The following KCNH7 variants were observed in gnomAD, a reference collection of about 807,000 sequenced individuals.
KCNH7 encodes the protein potassium voltage-gated channel subfamily H member 7.
In KCNH7, 49 loss-of-function variants were observed where a neutral mutation model predicts 120.8. That is an observed-to-expected ratio of 0.41 (90% CI 0.32 to 0.51). The LOEUF is 0.51. KCNH7 is among the 20% of genes least tolerant of loss of function. KCNH7 has a pLI of 0.38. For synonymous variants in KCNH7, 547 were observed against 516.1 expected, an observed-to-expected ratio of 1.06 and a Z score of -0.81; for missense variants, 1,097 against 1,446.6, an observed-to-expected ratio of 0.76 and a Z score of 3.92.
chr2:162,420,994 T>C (rs1198089873), intron 9 of KCNH7, among the ~76,000 whole-genome samples: 1 of 152,154 alleles, frequency 6.6e-6, no homozygotes, highest in Non-Finnish European at 1.5e-5. Context: ...TTTTCTCTAA[T>C]CAACTTTGTT....
chr2:162,416,899 C>T (rs1042130743), intron 9 of KCNH7, among the ~76,000 whole-genome samples: 11 of 152,058 alleles, frequency 7.2e-5, no homozygotes, highest in Non-Finnish European at 1.3e-4. Context: ...TGGCATGAAA[C>T]GTAATGATTA....
At chr2:162,758,324 G>A (rs1408944620) in intron 2 of KCNH7, among the ~76,000 whole-genome samples, 1 of 152,134 alleles carries the variant, frequency 6.6e-6, no homozygotes, top group Non-Finnish European at 1.5e-5. Context: ...GTTATTGGAG[G>A]TTATATTCTT....
intron 3 of KCNH7, among the ~76,000 whole-genome samples, chr2:162,534,451 A>T (rs1180277401): frequency 6.6e-6 from 1 of 151,544 alleles, no homozygotes; most frequent in Non-Finnish European, 1.5e-5. Flanking sequence ...TTTTTTAAAA[A>T]ATCATAAAAT....
chr2:162,468,790 G>A lies in KCNH7; in HGVS notation c.1129-22347C>T, dbSNP rs185532052. Reference sequence around the variant, plus strand: ...TCTCGATCTACTGACCTCATGATCCGCCCGCCTAGGCCTCCCAAAGTGCTG... The same window carrying A: ...TCTCGATCTACTGACCTCATGATCCACCCGCCTAGGCCTCCCAAAGTGCTG... On this transcript the variant is annotated intron_variant, in intron 6 of 15. Coordinates refer to ENST00000332142, the MANE Select transcript of KCNH7 (RefSeq NM_033272.4). Among the ~76,000 whole-genome samples, 470 of 151,134 alleles carry A rather than the reference G, an allele frequency of 3.1e-3. 3 individuals carry two copies. Among genetic ancestry groups the A allele is most frequent in the African/African-American group, 0.011 (456 of 41,180 alleles).
In KCNH7 at chr2:162,788,697, G is replaced by T. The variant is rs367968052; in HGVS notation, c.307+47840C>A. 2.0e-4 allele frequency among the ~76,000 whole-genome samples: 31 copies of T among 151,984 alleles called. 1 individual carries two copies. In the South Asian group the frequency reaches 6.4e-3, roughly 32 times the overall value. ...GAAACAAACTAAAAAAAAGAAATAG[G>T]CAGAGGGATTCTTAAAAGAAATAAT... On this transcript the variant is annotated intron_variant, in intron 2 of 15. Coordinates refer to ENST00000332142, the MANE Select transcript of KCNH7 (RefSeq NM_033272.4).
intron 2 of KCNH7, among the ~76,000 whole-genome samples, chr2:162,704,408 A>G (rs951662772): frequency 2.0e-5 from 3 of 152,220 alleles, no homozygotes; most frequent in Admixed American, 6.5e-5. Context: ...CATTATGAAC[A>G]TTATTTTTTC....
At chr2:162,686,978 G>T (rs1685915091) in intron 2 of KCNH7, among the ~76,000 whole-genome samples, 1 of 152,054 alleles carries the variant, frequency 6.6e-6, no homozygotes, top group East Asian at 1.9e-4. Flanking sequence ...GAGGAGTTGT[G>T]GCTGCTAACA....
chr2:162,668,391 C>T (rs1336504704), intron 2 of KCNH7, among the ~76,000 whole-genome samples: 1 of 152,118 alleles, frequency 6.6e-6, no homozygotes, highest in Non-Finnish European at 1.5e-5. Flanking sequence ...AACAGAAGTA[C>T]ACAGTGAATA....
At chr2:162,578,277 A>T (rs1693754073) in intron 2 of KCNH7, among the ~76,000 whole-genome samples, 3 of 152,074 alleles carry the variant, frequency 2.0e-5, no homozygotes, top group African/African-American at 7.2e-5. Context: ...TATCTATTGA[A>T]CCAGGCATTT....
rs548308339 is a variant in KCNH7 at position 162,822,953 on chromosome 2, C to T, written c.307+13584G>A. 5.3e-5 allele frequency among the ~76,000 whole-genome samples: 8 copies of T among 152,300 alleles called. No homozygotes were observed. The South Asian group carries it at 1.7e-3, about 32-fold the overall frequency. On this transcript the variant is annotated intron_variant, in intron 2 of 15. Coordinates refer to ENST00000332142, the MANE Select transcript of KCNH7 (RefSeq NM_033272.4). ...AGATTACAAGCCTCCAAGATTAAAACATTTAAATGCCTAAAATCCAGAAAC... is the reference window on the plus strand; with the variant it reads ...AGATTACAAGCCTCCAAGATTAAAATATTTAAATGCCTAAAATCCAGAAAC...
intron 6 of KCNH7, among the ~76,000 whole-genome samples, chr2:162,497,684 G>T (rs1690541016): frequency 6.6e-6 from 1 of 152,102 alleles, no homozygotes; most frequent in Non-Finnish European, 1.5e-5. Context: ...TTTACTATAA[G>T]ACCTAAGCAA....
intron 2 of KCNH7, among the ~76,000 whole-genome samples, chr2:162,742,285 C>G (rs980562954): frequency 2.6e-5 from 4 of 151,988 alleles, no homozygotes; most frequent in Non-Finnish European, 5.9e-5. Flanking sequence ...TTATTTTTTT[C>G]TCTTTGATTT....
intron 2 of KCNH7, among the ~76,000 whole-genome samples, chr2:162,591,394 A>T (rs188947619): frequency 4.6e-5 from 7 of 151,212 alleles, no homozygotes; most frequent in Admixed American, 2.0e-4. Context: ...TTATTTTTAT[A>T]AAAAAAAACA....
At chr2:162,549,180 AG>A (rs1423482407) in intron 2 of KCNH7, among the ~76,000 whole-genome samples, 1 of 152,230 alleles carries the variant, frequency 6.6e-6, no homozygotes, top group Non-Finnish European at 1.5e-5. Flanking sequence ...GTCTTGCTTA[AG>A]CACTTCCTGA....
At chr2:162,744,612 G>T (rs1203913599) in intron 2 of KCNH7, among the ~76,000 whole-genome samples, 1 of 130,846 alleles carries the variant, frequency 7.6e-6, no homozygotes, top group South Asian at 2.4e-4. Flanking sequence ...TCGCTCTGTC[G>T]CCCAGGCTGG....
intron 3 of KCNH7, among the ~76,000 whole-genome samples, chr2:162,523,626 C>G (rs545464914): frequency 2.3e-4 from 35 of 151,890 alleles, no homozygotes; most frequent in African/African-American, 8.2e-4. Flanking sequence ...AACTATGACA[C>G]CCACTTTTGA....
intron 2 of KCNH7, among the ~76,000 whole-genome samples, chr2:162,686,988 A>G (rs911255046): frequency 1.6e-4 from 25 of 152,286 alleles, no homozygotes; most frequent in Non-Finnish European, 1.8e-4. Flanking sequence ...GGCTGCTAAC[A>G]GTCCCCAGGA....
At chr2:162,490,948 G>GGT (rs1440222350) in intron 6 of KCNH7, among the ~76,000 whole-genome samples, 2 of 152,226 alleles carry the variant, frequency 1.3e-5, no homozygotes, top group African/African-American at 2.4e-5. Flanking sequence ...AATGGCCACA[G>GGT]GTATGCACTC....
chr2:162,835,942 C>T (rs16847453), intron 2 of KCNH7, among the ~76,000 whole-genome samples: 88,884 of 151,928 alleles, frequency 0.59, 27,408 homozygotes, highest in South Asian at 0.84. Flanking sequence ...TTTCTTATTT[C>T]AGGACAAATC....
Sources: gnomAD v4.1 joint callset for allele counts (sites outside exome capture counted in the v4.1 genomes callset) on GRCh38, gnomAD v4.1.1 for gene constraint, MANE v1.5 for transcripts, NCBI Gene and HGNC (gene_info 2026-07-23, HGNC 2026-07-21) for gene names.